The following ITGA3 variants were observed in gnomAD, a reference collection of about 807,000 sequenced individuals.
ITGA3 encodes the protein integrin subunit alpha 3.
In ITGA3, 70 loss-of-function variants were observed where a neutral mutation model predicts 131.1. The ratio of observed to expected loss-of-function variants is 0.53; its 90% CI spans 0.44 to 0.65. ITGA3 has a LOEUF of 0.65. ITGA3 is among the 30% of genes least tolerant of loss of function. The pLI, the probability that ITGA3 is intolerant of heterozygous loss-of-function variation, is 0.00. For synonymous variants in ITGA3, 537 were observed against 571.6 expected (o/e 0.94, Z 0.86); for missense variants, 1,098 against 1,388.6 (o/e 0.79, Z 3.33).
rs1276437993 is a variant in ITGA3 at position 50,088,228 on chromosome 17, G to A, written c.3049G>A (p.Gly1017Ser). ...GLIILLLWKC[G>S]FFKRARTRAL... ...CCCCACCTCCTCCCCTCCGCAGTGCGGCTTCTTCAAGCGAGCCCGCACTCG... is the reference window on the plus strand; with the variant it reads ...CCCCACCTCCTCCCCTCCGCAGTGCAGCTTCTTCAAGCGAGCCCGCACTCG... Residue 1017 changes from glycine (G) to serine (S), a missense_variant, in exon 25 of 26, where the codon GGC (glycine) becomes AGC (serine). Physicochemically the swap from Gly to Ser is moderately conservative, Grantham distance 56. Around this residue, in one of 3 missense-constraint regions of ITGA3, gnomAD observed 699 missense variants for 829.2 expected, o/e 0.84. Coordinates refer to ENST00000320031, the MANE Select transcript of ITGA3 (RefSeq NM_002204.4). The A allele has an allele frequency of 9.6e-6, 15 of 1,560,830 alleles. No homozygotes were observed. The East Asian group carries it at 1.9e-4, about 20-fold the overall frequency.
In ITGA3 at chr17:50,064,783, G is replaced by A. The variant is rs1908253900; in HGVS notation, c.414+176G>A. The A allele has an allele frequency of 3.5e-6, 2 of 577,688 alleles. No homozygotes were observed. The highest frequency in any genetic ancestry group is 6.1e-6 in the Non-Finnish European group (2 of 327,892). 35.8% of individuals were successfully genotyped at this position (577,688 alleles called of 1,614,324 possible). On this transcript the variant is annotated intron_variant, in intron 3 of 25. Coordinates refer to ENST00000320031, the MANE Select transcript of ITGA3 (RefSeq NM_002204.4). This position sits in a 1 kb window ranked among gnomAD's most constrained non-coding sequence, Gnocchi z 4.4. ...TCGCTCTCTGCACTCCTGGGGAGGG[G>A]GTGAGTATCCTGTGCTCTCCCAAAC...
rs1443381952 is a variant in ITGA3, at chr17:50,090,205, A to T, written c.*1127A>T. 1 of 456,292 alleles carries T rather than the reference A, an allele frequency of 2.2e-6. No individual in the cohort carries two copies. Among genetic ancestry groups the T allele is most frequent in the East Asian group, 6.9e-5 (1 of 14,396 alleles). The allele number at this position is 456,292 out of a possible 1,614,324, so 28.3% of individuals were successfully genotyped here. On this transcript the variant is annotated 3_prime_UTR_variant, in exon 26 of 26. Coordinates refer to ENST00000320031, the MANE Select transcript of ITGA3 (RefSeq NM_002204.4). ...CCCCATCCAGCCAGACCCCACGCTGACCATGCGTCAGGGGCCTAGAGGTGG... is the reference window on the plus strand; with the variant it reads ...CCCCATCCAGCCAGACCCCACGCTGTCCATGCGTCAGGGGCCTAGAGGTGG...
chr17:50,078,514 G>A (rs1344492612), intron 18 of ITGA3, among the ~76,000 whole-genome samples: 1 of 151,960 alleles, frequency 6.6e-6, no homozygotes, highest in East Asian at 1.9e-4. Context: ...CCGGGGCTAA[G>A]GTGTTGTCCC....
Position 50,064,667 on chromosome 17 carries a change from A to G in ITGA3, c.414+60A>G. 6.9e-7 allele frequency: 1 copy of G among 1,450,734 alleles called. No individual in the cohort carries two copies. The highest frequency in any genetic ancestry group is 9.5e-7 in the Non-Finnish European group (1 of 1,053,164). The allele number at this position is 1,450,734 out of a possible 1,614,324, so 89.9% of individuals were successfully genotyped here. ...TACCCGGCTCTCCCCTCATCTCCAG[A>G]GCTGGGAGGAAAGAAGAGGGCAGCA... On this transcript the variant is annotated intron_variant, in intron 3 of 25. Coordinates refer to ENST00000320031, the MANE Select transcript of ITGA3 (RefSeq NM_002204.4). The surrounding 1 kb of genome is among the most constrained non-coding windows in gnomAD (Gnocchi z 4.4).
rs564951868 is a variant in ITGA3, at chr17:50,072,462, A to G, written c.1156+280A>G. Among the ~76,000 whole-genome samples the G allele has an allele frequency of 1.8e-4, 28 of 151,388 alleles. 1 individual carries two copies. The highest frequency in any genetic ancestry group is 8.4e-4 in the South Asian group (4 of 4,746). On this transcript the variant is annotated intron_variant, in intron 7 of 25. Coordinates refer to ENST00000320031, the MANE Select transcript of ITGA3 (RefSeq NM_002204.4). ...CACAGTAGAGAACTGATGGGGCACA[A>G]CATGGGTGTGGAAACTGGCCTGGTG...
In ITGA3 at chr17:50,064,806, A is replaced by G. The variant is rs1908255409; in HGVS notation, c.414+199A>G. The G allele has an allele frequency of 1.9e-6, 1 of 537,074 alleles. No homozygotes were observed. Among genetic ancestry groups the G allele is most frequent in the Non-Finnish European group, 3.3e-6 (1 of 303,334 alleles). 33.3% of individuals were successfully genotyped at this position (537,074 alleles called of 1,614,324 possible). A position where few individuals can be genotyped will look rare whatever the true frequency, so the allele number is the denominator to read the frequency against. On this transcript the variant is annotated intron_variant, in intron 3 of 25. Transcript: ENST00000320031. This position sits in a 1 kb window ranked among gnomAD's most constrained non-coding sequence, Gnocchi z 4.4. ...GGGGTGAGTATCCTGTGCTCTCCCA[A>G]ACCCCCGCACGGCCTGAGTTCTCTG...
rs1909661331 is a variant in ITGA3 at position 50,090,354 on chromosome 17, G to C, written c.*1276G>C. 1 of 423,594 alleles carries C rather than the reference G, an allele frequency of 2.4e-6. No individual in the cohort carries two copies. Among genetic ancestry groups the C allele is most frequent in the Admixed American group, 2.4e-5 (1 of 41,090 alleles). The allele number at this position is 423,594 out of a possible 1,614,324, so 26.2% of individuals were successfully genotyped here. ...AGAAAACCTCTCCTGACCCCTGCCT[G>C]TTGGCAGGCCCACTCCCCAGCCCCA... is the stretch of plus-strand genomic sequence containing the variant. On this transcript the variant is annotated 3_prime_UTR_variant, in exon 26 of 26. Coordinates refer to ENST00000320031, the MANE Select transcript of ITGA3 (RefSeq NM_002204.4).
intron 25 of ITGA3, 56 bp downstream of exon 25, chr17:50,088,422 C>T: frequency 2.2e-6 from 2 of 907,402 alleles, no homozygotes; most frequent in East Asian, 5.3e-5. Context: ...GGGCCTCTGA[C>T]TCTGTCCTAT....
Position 50,056,658 on chromosome 17 carries a change from G to T in ITGA3, c.206+13G>T, listed in dbSNP as rs916993007. ...AGCAGCGCTACCTGTAAGTGAAGCT[G>T]GAGGGTGTGGGGTGGGAGCGAGAGA... is the stretch of plus-strand genomic sequence containing the variant. On this transcript the variant is annotated intron_variant, in intron 1 of 25. Transcript: ENST00000320031. This position sits in a 1 kb window ranked among gnomAD's most constrained non-coding sequence, Gnocchi z 5.6. 3.8e-6 allele frequency: 6 copies of T among 1,594,604 alleles called. No homozygotes were observed. The highest frequency in any genetic ancestry group is 5.1e-6 in the Non-Finnish European group (6 of 1,172,060).
At chr17:50,076,516 G>C (rs1257020048) in intron 13 of ITGA3, 41 bp downstream of exon 13, 1 of 1,605,530 alleles carries the variant, frequency 6.2e-7, no homozygotes, top group Non-Finnish European at 8.5e-7. Flanking sequence ...CCAGGGGCCA[G>C]AAGGGCGGTG....
intron 1 of ITGA3, among the ~76,000 whole-genome samples, chr17:50,059,390 G>C (rs1907972930): frequency 6.6e-6 from 1 of 152,138 alleles, no homozygotes; most frequent in Admixed American, 6.5e-5. Flanking sequence ...TTTCACTTTT[G>C]CTTGGAAATG....
intron 1 of ITGA3, chr17:50,063,764 C>T (rs972757128): frequency 5.7e-6 from 2 of 353,706 alleles, no homozygotes; most frequent in Admixed American, 8.5e-5. Context: ...TGCTCTTCCT[C>T]CCCTTCTTCA....
At position 50,078,243 on chromosome 17, in the gene ITGA3, C is replaced by T; in HGVS notation, c.2256C>T (p.Leu752=). The T allele has an allele frequency of 1.2e-6, 2 of 1,614,058 alleles. No individual in the cohort carries two copies. The highest frequency in any genetic ancestry group is 8.5e-7 in the Non-Finnish European group (1 of 1,179,972). ...SHQDNLWPMI[L]TLLVDYTLQT... The stretch of plus-strand genomic sequence containing the variant: ...AGGACAACCTGTGGCCCATGATCCT[C>T]ACTCTGCTGGTGGACTATACACTCC... Residue 752 remains leucine (L), a synonymous_variant, in exon 18 of 26, where the codon CTC becomes CTT. Coordinates refer to ENST00000320031, the MANE Select transcript of ITGA3 (RefSeq NM_002204.4).
intron 5 of ITGA3, 40 bp from the exon 6 acceptor site, chr17:50,071,271 T>A: frequency 6.3e-7 from 1 of 1,579,416 alleles, no homozygotes; most frequent in Non-Finnish European, 8.7e-7. Flanking sequence ...AGAGACGAAG[T>A]TGACTGGGAC....
In ITGA3 at chr17:50,071,378, A is replaced by G; in HGVS notation, c.819A>G (p.Pro273=). 1 of 1,614,178 alleles carries G rather than the reference A, an allele frequency of 6.2e-7. No homozygotes were observed. The highest frequency in any genetic ancestry group is 2.2e-5 in the East Asian group (1 of 44,878). ...PKNITIVTGA[P]RHRHMGAVFL... ...ACATCACCATTGTGACAGGTGCCCCACGGCACCGACATATGGGCGCGGTGT... is the reference window on the plus strand; with the variant it reads ...ACATCACCATTGTGACAGGTGCCCCGCGGCACCGACATATGGGCGCGGTGT... The change falls in exon 6 of 26, where the codon CCA becomes CCG. Residue 273 remains proline, a synonymous_variant. Coordinates refer to ENST00000320031, the MANE Select transcript of ITGA3 (RefSeq NM_002204.4).
At chr17:50,085,905 T>C (rs1909380059) in intron 23 of ITGA3, among the ~76,000 whole-genome samples, 3 of 101,300 alleles carry the variant, frequency 3.0e-5, no homozygotes, top group South Asian at 3.1e-4. Flanking sequence ...ATTATACACA[T>C]ATAGATTTAT....
chr17:50,072,922 C>T (rs969298656), intron 7 of ITGA3, among the ~76,000 whole-genome samples: 3 of 152,066 alleles, frequency 2.0e-5, no homozygotes, highest in Non-Finnish European at 2.9e-5. Context: ...CATGGGGGCA[C>T]CTGGCTTATC....
intron 23 of ITGA3, among the ~76,000 whole-genome samples, chr17:50,083,186 G>T (rs1221138384): frequency 6.6e-6 from 1 of 152,138 alleles, no homozygotes; most frequent in South Asian, 2.1e-4. Context: ...AAGTAGTGTT[G>T]GGAGAACACA....
intron 21 of ITGA3, among the ~76,000 whole-genome samples, chr17:50,079,963 TC>T (rs1258718227): frequency 6.6e-6 from 1 of 152,028 alleles, no homozygotes; most frequent in Non-Finnish European, 1.5e-5. Context: ...GGAGGTGGTG[TC>T]CCAGGGGCAG....
Sources: allele counts gnomAD v4.1 joint callset (sites outside exome capture counted in the v4.1 genomes callset), GRCh38; gene constraint gnomAD v4.1.1; regional missense constraint gnomAD v4.1.1; non-coding constraint Gnocchi (gnomAD v3.1); transcripts MANE v1.5; gene names NCBI Gene and HGNC (gene_info 2026-07-23, HGNC 2026-07-21).